Variants in GTPBP4 observed in about 807,000 individuals in gnomAD.
The protein encoded by GTPBP4 is GTP-binding protein 4.
In GTPBP4, 15 loss-of-function variants were observed where a neutral mutation model predicts 81.7. That is an observed-to-expected ratio of 0.18 (90% CI 0.12 to 0.28). The LOEUF is 0.28. Among genes scored for constraint, GTPBP4 ranks in the 10% least tolerant of loss-of-function variants. The pLI, the probability that GTPBP4 is intolerant of heterozygous loss-of-function variation, is 1.00. For synonymous variants in GTPBP4, 272 were observed against 274.6 expected (o/e 0.99, Z 0.09); for missense variants, 847 against 793.8 (o/e 1.07, Z -0.81).
chr10:1,005,999 C>A lies in GTPBP4; in HGVS notation c.1002+92C>A, dbSNP rs936078818. ...GGGAGAAAATAGTTTTCTTTCTAGA[C>A]ATTGTTAACACTTGGAGCCCTCGCA... On this transcript the variant is annotated intron_variant, in intron 9 of 16. Coordinates refer to ENST00000360803, the MANE Select transcript of GTPBP4 (RefSeq NM_012341.3). The A allele has an allele frequency of 6.9e-6, 5 of 725,666 alleles. No homozygotes were observed. The Admixed American group carries it at 1.0e-4, about 15-fold the overall frequency. The allele number at this position is 725,666 out of a possible 1,614,324, so 45.0% of individuals were successfully genotyped here.
chr10:1,015,742 C>T lies in GTPBP4; in HGVS notation c.1609-11C>T. 6.2e-7 allele frequency: 1 copy of T among 1,610,534 alleles called. No homozygotes were observed. ...TCCTGAGCGCTGAGCATTGCTTCCC[C>T]TGCTTTGCAGGCCCATTACGCAGTC... is the stretch of plus-strand genomic sequence containing the variant. On this transcript the variant is annotated splice_polypyrimidine_tract_variant and intron_variant, in intron 15 of 16. Coordinates refer to ENST00000360803, the MANE Select transcript of GTPBP4 (RefSeq NM_012341.3).
intron 1 of GTPBP4, chr10:988,793 G>A: frequency 2.3e-6 from 1 of 432,252 alleles, no homozygotes; most frequent in Non-Finnish European, 4.2e-6. Context: ...AGAGATGGGG[G>A]TACACCCAGA....
chr10:997,405 C>T, intron 5 of GTPBP4, 97 bp downstream of exon 5: 1 of 792,626 alleles, frequency 1.3e-6, no homozygotes, highest in Non-Finnish European at 2.3e-6. Context: ...CCTTGTAGGT[C>T]AGTGTTAACT....
intron 6 of GTPBP4, among the ~76,000 whole-genome samples, chr10:999,659 G>T (rs1831589744): frequency 1.3e-5 from 2 of 152,074 alleles, no homozygotes; most frequent in South Asian, 4.2e-4. Flanking sequence ...CATATATACA[G>T]TTTAAAAGCG....
At chr10:988,899 C>G (rs753775485) in intron 1 of GTPBP4, 1 of 218,206 alleles carries the variant, frequency 4.6e-6, no homozygotes, top group Non-Finnish European at 9.1e-6. Flanking sequence ...CCGTGATGAG[C>G]CTTCGGATTC....
chr10:993,595 A>T (rs1271893715), intron 2 of GTPBP4, among the ~76,000 whole-genome samples: 3 of 151,714 alleles, frequency 2.0e-5, no homozygotes, highest in African/African-American at 7.3e-5. Flanking sequence ...CTGCCTGGCA[A>T]ACTAACAAAG....
chr10:992,400 A>C (rs984433649), intron 1 of GTPBP4, 89 bp from the exon 2 acceptor site: 10 of 146,494 alleles, frequency 6.8e-5, no homozygotes, highest in Middle Eastern at 3.5e-3. Context: ...ACTCTGTCTC[A>C]AAAAAAAAAA....
Position 1,019,428 on chromosome 10 carries a change from T to C in GTPBP4, c.*2201T>C. On this transcript the variant is annotated 3_prime_UTR_variant, in exon 17 of 17. Coordinates refer to ENST00000360803, the MANE Select transcript of GTPBP4 (RefSeq NM_012341.3). ...GGGCAATCAAGTGCCCCTTTTGCCC[T>C]GTTTTTTGGAGAGGGTGTATCATTG... is the stretch of plus-strand genomic sequence containing the variant. The C allele has an allele frequency of 9.5e-7, 1 of 1,049,054 alleles. No homozygotes were observed. Among genetic ancestry groups the C allele is most frequent in the Non-Finnish European group, 1.4e-6 (1 of 733,206 alleles). The allele number at this position is 1,049,054 out of a possible 1,614,324, so 65.0% of individuals were successfully genotyped here.
chr10:999,428 C>CT (rs1831586004), intron 6 of GTPBP4, among the ~76,000 whole-genome samples: 2 of 152,148 alleles, frequency 1.3e-5, no homozygotes, highest in Admixed American at 6.5e-5. Flanking sequence ...TGGCAAGAGT[C>CT]TTGTCTTTAA....
At chr10:992,377 G>A in intron 1 of GTPBP4, 112 bp from the exon 2 acceptor site, 1 of 648,038 alleles carries the variant, frequency 1.5e-6, no homozygotes, top group Non-Finnish European at 2.6e-6. Context: ...TCCAGCCTGG[G>A]CGACAGAGCG....
chr10:1,010,739 C>A (rs1246238463), intron 13 of GTPBP4, among the ~76,000 whole-genome samples: 1 of 141,614 alleles, frequency 7.1e-6, no homozygotes, highest in Non-Finnish European at 1.5e-5. Flanking sequence ...CTTCCCGCCG[C>A]CTCCACCCAC....
chr10:1,012,437 T>A, intron 13 of GTPBP4, 28 bp from the exon 14 acceptor site: 1 of 1,493,098 alleles, frequency 6.7e-7, no homozygotes, highest in South Asian at 1.2e-5. Context: ...ATTGTTAATT[T>A]TGCTTCATTA....
intron 11 of GTPBP4, 35 bp downstream of exon 11, chr10:1,009,070 G>C (rs200262561): frequency 2.0e-6 from 3 of 1,475,208 alleles, no homozygotes; most frequent in East Asian, 2.3e-5. Context: ...GTGTTCTCAT[G>C]GGGGGAGGCA....
chr10:1,010,907 C>T (rs1276098508), intron 13 of GTPBP4, among the ~76,000 whole-genome samples: 1 of 148,262 alleles, frequency 6.7e-6, no homozygotes, highest in Non-Finnish European at 1.5e-5. Context: ...CTGCCCCCTA[C>T]ACCACCTTCC....
In GTPBP4 at chr10:1,017,360, T is replaced by C; in HGVS notation, c.*133T>C. 5 of 849,362 alleles carry C rather than the reference T, an allele frequency of 5.9e-6. No homozygotes were observed. Among genetic ancestry groups the C allele is most frequent in the Admixed American group, 4.9e-5 (2 of 40,520 alleles). The allele number at this position is 849,362 out of a possible 1,614,324, so 52.6% of individuals were successfully genotyped here. A position where few individuals can be genotyped will look rare whatever the true frequency, so the allele number is the denominator to read the frequency against. On this transcript the variant is annotated 3_prime_UTR_variant, in exon 17 of 17. Transcript: ENST00000360803. ...ATAAGTAAAGCACTTGTTGCTTTGCTGAAAACTATGGTTAACCCTATATAG... is the reference window on the plus strand; with the variant it reads ...ATAAGTAAAGCACTTGTTGCTTTGCCGAAAACTATGGTTAACCCTATATAG...
chr10:1,001,372 T>C (rs1184111954), intron 8 of GTPBP4, among the ~76,000 whole-genome samples: 1 of 152,210 alleles, frequency 6.6e-6, no homozygotes, highest in African/African-American at 2.4e-5. Flanking sequence ...AGACTAATGA[T>C]TGAGTGAAGG....
intron 10 of GTPBP4, 168 bp from the exon 11 acceptor site, chr10:1,008,790 G>T: frequency 3.1e-6 from 2 of 650,334 alleles, no homozygotes; most frequent in East Asian, 2.9e-5. Flanking sequence ...AATTGGTCTC[G>T]GTATGAACCC....
intron 8 of GTPBP4, among the ~76,000 whole-genome samples, chr10:1,005,072 C>G (rs907543109): frequency 6.6e-6 from 1 of 152,168 alleles, no homozygotes; most frequent in Non-Finnish European, 1.5e-5. Flanking sequence ...TAGGGAGAAC[C>G]TCCTCCTGGG....
chr10:999,947 G>T (rs537470638), intron 6 of GTPBP4, among the ~76,000 whole-genome samples: 2 of 152,264 alleles, frequency 1.3e-5, no homozygotes, highest in Admixed American at 1.3e-4. Flanking sequence ...CGACAGGAGC[G>T]AAACTCTGTC....
Sources: allele counts gnomAD v4.1 joint callset (sites outside exome capture counted in the v4.1 genomes callset), GRCh38; gene constraint gnomAD v4.1.1; transcripts MANE v1.5; gene names NCBI Gene and HGNC (gene_info 2026-07-23, HGNC 2026-07-21).